The following DNAJC1 variants were observed in gnomAD, a reference collection of about 807,000 sequenced individuals.
The protein encoded by DNAJC1 is dnaJ homolog subfamily C member 1.
DNAJC1 carries 58 observed loss-of-function variants against 76.6 expected under a neutral mutation model. The ratio of observed to expected loss-of-function variants is 0.76; its 90% CI spans 0.61 to 0.94. The LOEUF is 0.94. Ranked by LOEUF, DNAJC1 falls within the 40% of genes least tolerant of loss-of-function variation. The pLI, the probability that DNAJC1 is intolerant of heterozygous loss-of-function variation, is 0.00. For synonymous variants in DNAJC1, 258 were observed against 267.9 expected (o/e 0.96, Z 0.36); for missense variants, 689 against 677.3 (o/e 1.02, Z -0.19).
chr10:21,882,457 G>C lies in DNAJC1; in HGVS notation c.821-18C>G, dbSNP rs372720701. ...CTTCTGTTCTAAAAAATGTTTAAAA[G>C]AACCAATTATTGAGATTTTTAAAGA... On this transcript the variant is annotated intron_variant, in intron 7 of 11. Coordinates refer to ENST00000376980, the MANE Select transcript of DNAJC1 (RefSeq NM_022365.4). 1.7e-5 allele frequency: 24 copies of C among 1,424,748 alleles called. No homozygotes were observed. The highest frequency in any genetic ancestry group is 2.3e-5 in the Non-Finnish European group (24 of 1,065,748). 88.3% of individuals were successfully genotyped at this position (1,424,748 alleles called of 1,614,324 possible). A position where few individuals can be genotyped will look rare whatever the true frequency, so the allele number is the denominator to read the frequency against.
intron 9 of DNAJC1, among the ~76,000 whole-genome samples, chr10:21,804,457 G>C (rs1305258739): frequency 6.6e-6 from 1 of 151,868 alleles, no homozygotes. Flanking sequence ...GTAGGTCATA[G>C]TACTTAAAAC....
intron 8 of DNAJC1, among the ~76,000 whole-genome samples, chr10:21,832,020 T>C (rs1030715299): frequency 2.0e-5 from 3 of 151,984 alleles, no homozygotes; most frequent in Admixed American, 6.6e-5. Flanking sequence ...AGAATTGACA[T>C]AGGATATAAG....
intron 8 of DNAJC1, among the ~76,000 whole-genome samples, chr10:21,845,661 C>A (rs1269990298): frequency 1.3e-5 from 2 of 151,966 alleles, no homozygotes; most frequent in Non-Finnish European, 2.9e-5. Flanking sequence ...TTAAACTGGG[C>A]TCTAAAACTA....
chr10:21,818,053 AAG>A (rs961637642), intron 8 of DNAJC1, among the ~76,000 whole-genome samples: 1 of 152,264 alleles, frequency 6.6e-6, no homozygotes, highest in African/African-American at 2.4e-5. Context: ...TTCAGGGAAC[AAG>A]AGAGATAACC....
At chr10:21,919,743 T>C in intron 5 of DNAJC1, 89 bp downstream of exon 5, 2 of 865,046 alleles carry the variant, frequency 2.3e-6, no homozygotes, top group Admixed American at 2.4e-5. Flanking sequence ...TGAGAGCACA[T>C]GTAAATAGAC....
At chr10:21,812,060 A>AT (rs1338290273) in intron 8 of DNAJC1, among the ~76,000 whole-genome samples, 543 of 141,480 alleles carry the variant, frequency 3.8e-3, no homozygotes, top group African/African-American at 7.3e-3. Flanking sequence ...ATGACAAATG[A>AT]TTTTTTTTTT....
intron 8 of DNAJC1, among the ~76,000 whole-genome samples, chr10:21,839,089 A>G (rs1488215898): frequency 6.6e-6 from 1 of 152,240 alleles, no homozygotes; most frequent in African/African-American, 2.4e-5. Context: ...TCTCTGGGAC[A>G]CATTCAAAGC....
chr10:21,894,650 A>T (rs1836511664), intron 7 of DNAJC1, among the ~76,000 whole-genome samples: 1 of 152,222 alleles, frequency 6.6e-6, no homozygotes, highest in Non-Finnish European at 1.5e-5. Flanking sequence ...ATACCAAGGT[A>T]ACACAAAGAT....
intron 10 of DNAJC1, among the ~76,000 whole-genome samples, chr10:21,763,264 T>C (rs188086214): frequency 8.8e-4 from 134 of 152,356 alleles, no homozygotes; most frequent in African/African-American, 3.1e-3. Flanking sequence ...TTCTACAGCA[T>C]AAATATCTTT....
chr10:21,838,702 G>A (rs1341730883), intron 8 of DNAJC1, among the ~76,000 whole-genome samples: 2 of 151,988 alleles, frequency 1.3e-5, no homozygotes, highest in Admixed American at 1.3e-4. Context: ...GAGACAGAAA[G>A]TTAACAAGGA....
chr10:21,756,614 A>G lies in DNAJC1; in HGVS notation c.*73T>C. The G allele has an allele frequency of 8.5e-7, 1 of 1,174,246 alleles. No homozygotes were observed. Among genetic ancestry groups the G allele is most frequent in the Non-Finnish European group, 1.3e-6 (1 of 787,416 alleles). 72.7% of individuals were successfully genotyped at this position (1,174,246 alleles called of 1,614,324 possible). A position where few individuals can be genotyped will look rare whatever the true frequency, so the allele number is the denominator to read the frequency against. ...TGACGTAGAAATATTGAGGTACAAA[A>G]TGCAAATTTCTGCATAAGATTTTTA... is the stretch of plus-strand genomic sequence containing the variant. On this transcript the variant is annotated 3_prime_UTR_variant, in exon 12 of 12. Transcript: ENST00000376980.
chr10:21,979,116 C>T (rs1838110220), intron 1 of DNAJC1, among the ~76,000 whole-genome samples: 1 of 150,990 alleles, frequency 6.6e-6, no homozygotes, highest in Non-Finnish European at 1.5e-5. Context: ...AGTTTTCTTG[C>T]AATTAAAGAC....
At chr10:21,807,883 C>G (rs1471430183) in intron 8 of DNAJC1, among the ~76,000 whole-genome samples, 1 of 152,066 alleles carries the variant, frequency 6.6e-6, no homozygotes, top group Non-Finnish European at 1.5e-5. Flanking sequence ...AGGGTTTTTT[C>G]TTTCTCCTTG....
intron 8 of DNAJC1, among the ~76,000 whole-genome samples, chr10:21,820,279 T>A (rs1320959105): frequency 6.6e-6 from 1 of 152,090 alleles, no homozygotes; most frequent in Non-Finnish European, 1.5e-5. Flanking sequence ...CTGAAAAATA[T>A]TCTATGTCTG....
intron 8 of DNAJC1, among the ~76,000 whole-genome samples, chr10:21,813,391 CTTTT>C (rs35150177): frequency 2.3e-5 from 3 of 132,894 alleles, no homozygotes. Flanking sequence ...GGCAAACAGT[CTTTT>C]TTTTTTTTTT....
intron 11 of DNAJC1, among the ~76,000 whole-genome samples, chr10:21,757,990 AC>A (rs1216104701): frequency 6.6e-6 from 1 of 152,202 alleles, no homozygotes. Context: ...CTGTGTCCTG[AC>A]AGATGCTAGA....
Position 21,808,865 on chromosome 10 carries a change from G to A in DNAJC1, c.979-2766C>T, listed in dbSNP as rs574114304. Among the ~76,000 whole-genome samples, 31 of 152,314 alleles carry A rather than the reference G, an allele frequency of 2.0e-4. 1 individual carries two copies. Among genetic ancestry groups the A allele is most frequent in the African/African-American group, 7.5e-4 (31 of 41,570 alleles). On this transcript the variant is annotated intron_variant, in intron 8 of 11. Transcript: ENST00000376980. ...GTAATGGAAGATACCACATGGTGTG[G>A]AGACAGCTGTTGTGACTATACAAGC...
intron 1 of DNAJC1, among the ~76,000 whole-genome samples, chr10:21,942,184 T>C (rs555195484): frequency 2.6e-5 from 4 of 152,158 alleles, no homozygotes; most frequent in South Asian, 4.2e-4. Flanking sequence ...AGCAATAGTG[T>C]TGATATTAAC....
At chr10:21,837,883 C>A (rs1323904569) in intron 8 of DNAJC1, among the ~76,000 whole-genome samples, 38 of 148,752 alleles carry the variant, frequency 2.6e-4, no homozygotes, top group Admixed American at 2.5e-3. Flanking sequence ...GGGGGCAGCC[C>A]CCGCCCGGCC....
Sources: gnomAD v4.1 joint callset for allele counts (sites outside exome capture counted in the v4.1 genomes callset) on GRCh38, gnomAD v4.1.1 for gene constraint, MANE v1.5 for transcripts, NCBI Gene and HGNC (gene_info 2026-07-23, HGNC 2026-07-21) for gene names.